The following PSMG4 variants were observed in gnomAD, a reference collection of about 807,000 sequenced individuals.
The protein encoded by PSMG4 is proteasome assembly chaperone 4, also known as proteasome (prosome, macropain) assembly chaperone 4.
Under a neutral mutation model 11.0 loss-of-function variants are expected in PSMG4, and 10 were observed. The observed-to-expected ratio is 0.91, with a 90% CI of 0.56 to 1.54. PSMG4 has a LOEUF of 1.54. PSMG4 is among the 40% of genes most tolerant of loss of function. The pLI is 0.00. For synonymous variants in PSMG4, 95 were observed against 71.3 expected, an observed-to-expected ratio of 1.33 and a Z score of -1.68; for missense variants, 198 against 160.9, an observed-to-expected ratio of 1.23 and a Z score of -1.25.
chr6:3,258,853 C>A, upstream of PSMG4: 1 of 584,946 alleles, frequency 1.7e-6, no homozygotes, highest in Non-Finnish European at 2.5e-6. Context: ...ACCACGCCCC[C>A]AACCCAAGCC....
At chr6:3,255,215 G>A, upstream of PSMG4, 1 of 1,550,066 alleles carries the variant, frequency 6.5e-7, no homozygotes, top group Non-Finnish European at 8.7e-7. Flanking sequence ...GGCAGCAGGA[G>A]CAAAATCAAC....
Position 3,259,101 on chromosome 6 carries a change from C to T in PSMG4, c.79C>T (p.His27Tyr), listed in dbSNP as rs1757864743. Residue 27 changes from histidine to tyrosine, a missense_variant, in exon 1 of 3, where the codon CAC (histidine) becomes TAC (tyrosine). Coordinates refer to ENST00000438998, the MANE Select transcript of PSMG4 (RefSeq NM_001128591.2). ...FSARLWEQLV[H>Y]FHVMRLTDSL... ...CGCGAGGCTGTGGGAGCAGCTGGTCCACTTCCACGTCATGCGGCTGACGGA... is the reference window on the plus strand; with the variant it reads ...CGCGAGGCTGTGGGAGCAGCTGGTCTACTTCCACGTCATGCGGCTGACGGA... The T allele has an allele frequency of 3.1e-6, 4 of 1,275,058 alleles. No individual in the cohort carries two copies. The highest frequency in any genetic ancestry group is 3.1e-5 in the African/African-American group (2 of 64,654). 79.0% of individuals were successfully genotyped at this position (1,275,058 alleles called of 1,614,324 possible).
intron 1 of PSMG4, among the ~76,000 whole-genome samples, chr6:3,261,609 A>C (rs1757992961): frequency 6.6e-6 from 1 of 152,164 alleles, no homozygotes; most frequent in Admixed American, 6.5e-5. Context: ...GAGTTACCTG[A>C]CTTGTCAGAA....
chr6:3,260,539 G>A (rs905820096), intron 1 of PSMG4, among the ~76,000 whole-genome samples: 1 of 151,850 alleles, frequency 6.6e-6, no homozygotes, highest in African/African-American at 2.4e-5. Context: ...CGCCTGCCTC[G>A]GCCTCCCAAA....
chr6:3,258,921 A>AAAGCGC (rs1757853811), upstream of PSMG4: 4 of 1,149,030 alleles, frequency 3.5e-6, no homozygotes, highest in South Asian at 1.3e-4. Flanking sequence ...GCCGAAAGCG[A>AAAGCGC]AAGCGCGCTC....
Position 3,267,667 on chromosome 6 carries a change from A to G in PSMG4, c.327A>G (p.Glu109=). ...NTDSNFALLV[E]NRIKEEMEAF... ...ACAGTAACTTCGCATTACTTGTAGA[A>G]AACAGGATCAAGGAAGAGATGGAGG... Residue 109 remains glutamate, a synonymous_variant, in exon 3 of 3, where the codon GAA becomes GAG. Transcript: ENST00000438998. 6.4e-7 allele frequency: 1 copy of G among 1,552,300 alleles called. No homozygotes were observed. The highest frequency in any genetic ancestry group is 8.7e-7 in the Non-Finnish European group (1 of 1,147,098).
intron 1 of PSMG4, among the ~76,000 whole-genome samples, chr6:3,259,738 C>T (rs1438402736): frequency 6.6e-6 from 1 of 152,170 alleles, no homozygotes; most frequent in Admixed American, 6.5e-5. Flanking sequence ...GTGCTGAGTC[C>T]CTAGGCACTG....
intron 2 of PSMG4, 110 bp downstream of exon 2, chr6:3,263,869 C>G (rs192898120): frequency 6.8e-7 from 1 of 1,474,532 alleles, no homozygotes; most frequent in East Asian, 2.5e-5. Flanking sequence ...TAAGAACCAT[C>G]ACCTCATTGC....
rs144895639 is a variant in PSMG4, at chr6:3,260,723, A to G, written c.174+1527A>G. Among the ~76,000 whole-genome samples the G allele has an allele frequency of 5.7e-3, 865 of 152,352 alleles. 5 individuals are homozygous for G. Among genetic ancestry groups the G allele is most frequent in the Non-Finnish European group, 0.01 (685 of 68,030 alleles). ...TAGGTACCCAGAGGTTAGGACTTCA[A>G]CATATTTTTTGGGGAGACACAATTC... On this transcript the variant is annotated intron_variant, in intron 1 of 2. Coordinates refer to ENST00000438998, the MANE Select transcript of PSMG4 (RefSeq NM_001128591.2).
rs1757856796 is a variant in PSMG4, at chr6:3,258,975, C to CA, written c.-48_-47insA. The CA allele has an allele frequency of 1.6e-6, 2 of 1,233,758 alleles. No individual in the cohort carries two copies. Among genetic ancestry groups the CA allele is most frequent in the African/African-American group, 3.1e-5 (2 of 64,254 alleles). The allele number at this position is 1,233,758 out of a possible 1,614,324, so 76.4% of individuals were successfully genotyped here. A position where few individuals can be genotyped will look rare whatever the true frequency, so the allele number is the denominator to read the frequency against. On this transcript the variant is annotated 5_prime_UTR_variant, in exon 1 of 3. Coordinates refer to ENST00000438998, the MANE Select transcript of PSMG4 (RefSeq NM_001128591.2). ...CCATCGGGTCTGGCGGGGCTGGCAGCGGCGAGGACCCGGGTCTGGCGCTGT... is the reference window on the plus strand; with the variant it reads ...CCATCGGGTCTGGCGGGGCTGGCAGCAGGCGAGGACCCGGGTCTGGCGCTGT...
At chr6:3,257,672 T>TA (rs1188813592), upstream of PSMG4, among the ~76,000 whole-genome samples, 3 of 152,272 alleles carry the variant, frequency 2.0e-5, no homozygotes, top group Middle Eastern at 3.4e-3. Flanking sequence ...ATTCCACTGA[T>TA]ACAAAACTCT....
At chr6:3,267,412 C>T (rs971436318) in intron 2 of PSMG4, 179 bp from the exon 3 acceptor site, 20 of 566,702 alleles carry the variant, frequency 3.5e-5, no homozygotes, top group African/African-American at 2.7e-4. Flanking sequence ...TGGGAGAGGC[C>T]TGAGTGACTC....
chr6:3,258,316 T>C (rs921516930), upstream of PSMG4, among the ~76,000 whole-genome samples: 1 of 152,248 alleles, frequency 6.6e-6, no homozygotes, highest in African/African-American at 2.4e-5. Context: ...CCCGAGGCCA[T>C]GTACATGACT....
chr6:3,260,754 A>G (rs1400120326), intron 1 of PSMG4, among the ~76,000 whole-genome samples: 4 of 152,238 alleles, frequency 2.6e-5, no homozygotes, highest in African/African-American at 9.6e-5. Flanking sequence ...AATTCAGGCC[A>G]CAACACTGCC....
upstream of PSMG4, chr6:3,255,102 G>A: frequency 4.5e-6 from 7 of 1,551,038 alleles, no homozygotes; most frequent in Middle Eastern, 1.7e-4. Flanking sequence ...GGCTGCATAG[G>A]AGCACAACAT....
At chr6:3,262,468 A>G (rs1050403564) in intron 1 of PSMG4, among the ~76,000 whole-genome samples, 5 of 152,218 alleles carry the variant, frequency 3.3e-5, no homozygotes, top group Non-Finnish European at 7.3e-5. Flanking sequence ...GTGAAGAAGC[A>G]TACAGTAAAT....
At position 3,258,979 on chromosome 6, in the gene PSMG4, G is replaced by T. The variant is rs1474940292; in HGVS notation, c.-44G>T. 2.4e-6 allele frequency: 3 copies of T among 1,236,234 alleles called. No individual in the cohort carries two copies. The highest frequency in any genetic ancestry group is 3.2e-5 in the East Asian group (1 of 31,678). The allele number at this position is 1,236,234 out of a possible 1,614,324, so 76.6% of individuals were successfully genotyped here. ...CGGGTCTGGCGGGGCTGGCAGCGGC[G>T]AGGACCCGGGTCTGGCGCTGTGGGC... On this transcript the variant is annotated 5_prime_UTR_variant, in exon 1 of 3. Transcript: ENST00000438998.
chr6:3,255,257 T>TG (rs960819883), upstream of PSMG4: 23 of 1,547,294 alleles, frequency 1.5e-5, no homozygotes, highest in Middle Eastern at 2.1e-4. Flanking sequence ...TTGGGTTCTG[T>TG]GTTACCACGG....
upstream of PSMG4, chr6:3,255,000 A>G (rs978416717): frequency 1.3e-5 from 20 of 1,529,932 alleles, no homozygotes; most frequent in African/African-American, 2.8e-5. Flanking sequence ...GACCTAGCGC[A>G]CTCCCATGTG....
Sources: allele counts gnomAD v4.1 joint callset (sites outside exome capture counted in the v4.1 genomes callset), GRCh38; gene constraint gnomAD v4.1.1; transcripts MANE v1.5; gene names NCBI Gene and HGNC (gene_info 2026-07-23, HGNC 2026-07-21).